The following MLANA variants were observed in gnomAD, a reference collection of about 807,000 sequenced individuals.
The protein encoded by MLANA is melan-A.
A neutral mutation model predicts 15.7 loss-of-function variants in MLANA; 21 were observed. The ratio of observed to expected loss-of-function variants is 1.33; its 90% CI spans 0.95 to 1.92. The LOEUF (loss-of-function observed/expected upper bound fraction) is 1.92. Ranked by LOEUF, MLANA falls within the 40% of genes most tolerant of loss-of-function variation. The probability of loss-of-function intolerance (pLI) is 0.00; values close to 1 mark genes in which losing one functional copy is unlikely to be tolerated. For synonymous variants in MLANA, 56 were observed against 51.5 expected (o/e 1.09, Z -0.37); for missense variants, 164 against 143.8 (o/e 1.14, Z -0.72).
At chr9:5,907,673 C>T (rs1198897672) in intron 4 of MLANA, among the ~76,000 whole-genome samples, 1 of 152,212 alleles carries the variant, frequency 6.6e-6, no homozygotes, top group African/African-American at 2.4e-5. Context: ...TTACATATGG[C>T]TGGGCATGGT....
Position 5,909,259 on chromosome 9 carries a change from T to C in MLANA, c.*551T>C, listed in dbSNP as rs1056798. 90,710 of 152,406 alleles carry C rather than the reference T, an allele frequency of 0.6. 28,386 individuals are homozygous for C. The highest frequency in any genetic ancestry group is 0.72 in the Non-Finnish European group (49,037 of 68,254). 9.4% of individuals were successfully genotyped at this position (152,406 alleles called of 1,614,324 possible). A position where few individuals can be genotyped will look rare whatever the true frequency, so the allele number is the denominator to read the frequency against. ...CTACAATAATATATTGTAAAGATCC[T>C]ATAGCTCTTTTTTTTTGAGATGGAG... On this transcript the variant is annotated 3_prime_UTR_variant, in exon 5 of 5. Transcript: ENST00000381477.
chr9:5,897,653 G>A lies in MLANA; in HGVS notation c.174G>A (p.Met58Ile). The change falls in exon 3 of 5, where the codon ATG (methionine) becomes ATA (isoleucine). Residue 58 changes from methionine (M) to isoleucine (I), a missense_variant and splice_region_variant. Met to Ile is a conservative substitution (Grantham distance 10). Transcript: ENST00000381477. The stretch of plus-strand genomic sequence containing the variant: ...GACGAAATGGATACAGAGCCTTGAT[G>A]GTTGGTAAAGTTCCCACTGCTGAAA... ...CRRRNGYRALMDKSLHVGTQC... is the reference protein window; with the variant it reads ...CRRRNGYRALIDKSLHVGTQC... 6.2e-7 allele frequency: 1 copy of A among 1,613,174 alleles called. No individual in the cohort carries two copies. The highest frequency in any genetic ancestry group is 1.1e-5 in the South Asian group (1 of 91,056).
At chr9:5,902,073 T>C (rs1220746224) in intron 3 of MLANA, among the ~76,000 whole-genome samples, 1 of 152,234 alleles carries the variant, frequency 6.6e-6, no homozygotes, top group Non-Finnish European at 1.5e-5. Context: ...AAAGAGGTTA[T>C]AGAGAATTGG....
chr9:5,904,198 T>C (rs1832640350), intron 3 of MLANA, among the ~76,000 whole-genome samples: 1 of 152,184 alleles, frequency 6.6e-6, no homozygotes, highest in African/African-American at 2.4e-5. Context: ...TGTGTCTTTA[T>C]ATTTAAAGAG....
rs375775687 is a variant in MLANA, at chr9:5,908,598, C to T, written c.289-42C>T. On this transcript the variant is annotated intron_variant, in intron 4 of 4. Transcript: ENST00000381477. ...CTTAATCCCTTCCTAGAAACACATA[C>T]ACTGTTGCCAAGCCCATATTCTCCC... is the stretch of plus-strand genomic sequence containing the variant. The T allele has an allele frequency of 2.2e-5, 34 of 1,517,602 alleles. No homozygotes were observed. The African/African-American group carries it at 4.1e-4, about 18-fold the overall frequency. The allele number at this position is 1,517,602 out of a possible 1,614,324, so 94.0% of individuals were successfully genotyped here.
intron 2 of MLANA, among the ~76,000 whole-genome samples, chr9:5,896,553 C>T (rs1428040981): frequency 1.3e-5 from 2 of 152,186 alleles, no homozygotes; most frequent in African/African-American, 4.8e-5. Flanking sequence ...TTAAACCTTG[C>T]TTCTCCTGTA....
chr9:5,908,318 G>A (rs767139924), intron 4 of MLANA, among the ~76,000 whole-genome samples: 18 of 152,182 alleles, frequency 1.2e-4, no homozygotes, highest in South Asian at 2.1e-4. Flanking sequence ...AAGATGCAAT[G>A]TATATGGTGT....
chr9:5,905,996 TTAAA>T (rs1380405771), intron 3 of MLANA, among the ~76,000 whole-genome samples: 1 of 152,170 alleles, frequency 6.6e-6, no homozygotes, highest in Non-Finnish European at 1.5e-5. Context: ...GCATACCTAA[TTAAA>T]TACATTGTTG....
intron 2 of MLANA, among the ~76,000 whole-genome samples, chr9:5,892,756 T>C (rs1263604597): frequency 1.3e-5 from 2 of 152,166 alleles, no homozygotes; most frequent in African/African-American, 4.8e-5. Context: ...GGCAGGAAGA[T>C]GGGAATGGTA....
intron 3 of MLANA, among the ~76,000 whole-genome samples, chr9:5,901,858 C>G (rs10733518): frequency 0.97 from 147,518 of 152,308 alleles, 71,573 homozygotes; most frequent in Non-Finnish European, 0.99. Context: ...GCATACCTGG[C>G]ATAAATCCTA....
chr9:5,907,264 C>G (rs1013780479), intron 4 of MLANA: 8 of 236,396 alleles, frequency 3.4e-5, no homozygotes, highest in African/African-American at 6.8e-5. Context: ...ATAATGAGAG[C>G]CCTACATGTA....
intron 3 of MLANA, among the ~76,000 whole-genome samples, chr9:5,903,740 C>T (rs1425669458): frequency 2.0e-5 from 3 of 152,140 alleles, no homozygotes; most frequent in Non-Finnish European, 4.4e-5. Context: ...ACACCTTTAT[C>T]GTTATGTAAT....
intron 3 of MLANA, among the ~76,000 whole-genome samples, chr9:5,906,075 G>A (rs1029651581): frequency 1.3e-5 from 2 of 151,920 alleles, no homozygotes; most frequent in Non-Finnish European, 2.9e-5. Context: ...AAATATGTTG[G>A]GTGCAGTGGT....
chr9:5,893,691 C>T (rs1468041824), intron 2 of MLANA, among the ~76,000 whole-genome samples: 1 of 152,144 alleles, frequency 6.6e-6, no homozygotes, highest in South Asian at 2.1e-4. Context: ...TTAAAATATA[C>T]TTTTATGTCT....
intron 2 of MLANA, 78 bp from the exon 3 acceptor site, chr9:5,897,473 TGAAGAG>T: frequency 7.7e-7 from 1 of 1,293,734 alleles, no homozygotes. Flanking sequence ...AAAGTCCATA[TGAAGAG>T]GAAGACTGAT....
chr9:5,891,459 T>C (rs955060243), intron 1 of MLANA, among the ~76,000 whole-genome samples: 59 of 152,314 alleles, frequency 3.9e-4, no homozygotes, highest in African/African-American at 1.4e-3. Context: ...ACATAAAATG[T>C]CCCAGTGGAA....
intron 2 of MLANA, among the ~76,000 whole-genome samples, chr9:5,896,156 C>T (rs938302768): frequency 7.9e-5 from 12 of 152,202 alleles, no homozygotes; most frequent in Non-Finnish European, 2.9e-5. Flanking sequence ...CTGCCACTTG[C>T]TGGTTGTGCA....
intron 3 of MLANA, among the ~76,000 whole-genome samples, chr9:5,901,932 A>C (rs1429237984): frequency 6.6e-6 from 1 of 151,936 alleles, no homozygotes; most frequent in East Asian, 1.9e-4. Context: ...TTTTGTTGAG[A>C]TTTTTTGCAT....
In MLANA at chr9:5,908,777, C is replaced by T; in HGVS notation, c.*69C>T. ...CACTTTTGCTTGAATTTAATACAGA[C>T]ATCTAATGTTCTCCTTTGGAATGGT... On this transcript the variant is annotated 3_prime_UTR_variant, in exon 5 of 5. Transcript: ENST00000381477. 1 of 1,411,772 alleles carries T rather than the reference C, an allele frequency of 7.1e-7. No individual in the cohort carries two copies. The highest frequency in any genetic ancestry group is 1.0e-6 in the Non-Finnish European group (1 of 998,312). 87.5% of individuals were successfully genotyped at this position (1,411,772 alleles called of 1,614,324 possible).
Sources: allele counts gnomAD v4.1 joint callset (sites outside exome capture counted in the v4.1 genomes callset), GRCh38; gene constraint gnomAD v4.1.1; transcripts MANE v1.5; gene names NCBI Gene and HGNC (gene_info 2026-07-23, HGNC 2026-07-21).